The following ZNF274 variants were observed in gnomAD, a reference collection of about 807,000 sequenced individuals.
The protein encoded by ZNF274 is neurotrophin receptor-interacting factor homolog.
ZNF274 carries 23 observed loss-of-function variants against 42.5 expected under a neutral mutation model. The observed-to-expected ratio is 0.54, with a 90% CI of 0.39 to 0.77. The LOEUF (loss-of-function observed/expected upper bound fraction) is 0.77. Ranked by LOEUF, ZNF274 falls within the 30% of genes least tolerant of loss-of-function variation. The pLI, the probability that ZNF274 is intolerant of heterozygous loss-of-function variation, is 0.00. For synonymous variants in ZNF274, 292 were observed against 305.4 expected (o/e 0.96, Z 0.46); for missense variants, 679 against 806.5 (o/e 0.84, Z 1.91).
chr19:58,209,036 G>A (rs1199915745), intron 5 of ZNF274: 1 of 152,274 alleles, frequency 6.6e-6, no homozygotes, highest in Non-Finnish European at 1.5e-5. Context: ...GCTCAAGGGA[G>A]AAGGAGAATT....
At chr19:58,209,009 A>G (rs1237966988) in intron 5 of ZNF274, 1 of 152,244 alleles carries the variant, frequency 6.6e-6, no homozygotes, top group Non-Finnish European at 1.5e-5. Flanking sequence ...GACTGCTGCA[A>G]AGCCTTGCAC....
At chr19:58,183,786 C>T in intron 1 of ZNF274, 135 bp from the exon 2 acceptor site, 1 of 609,512 alleles carries the variant, frequency 1.6e-6, no homozygotes, top group Non-Finnish European at 2.9e-6. Flanking sequence ...AGTCCTATGA[C>T]TCACTCTGGG....
Position 58,185,734 on chromosome 19 carries a change from T to C in ZNF274, c.56T>C (p.Val19Ala). The C allele has an allele frequency of 6.8e-7, 1 of 1,467,324 alleles. No individual in the cohort carries two copies. The highest frequency in any genetic ancestry group is 9.1e-7 in the Non-Finnish European group (1 of 1,104,078). 90.9% of individuals were successfully genotyped at this position (1,467,324 alleles called of 1,614,324 possible). The change falls in exon 3 of 8, where the codon GTA becomes GCA. Residue 19 changes from valine (V) to alanine (A), a missense_variant. Around this residue, in one of 2 missense-constraint regions of ZNF274, gnomAD observed 223 missense variants for 216.4 expected, o/e 1.03. Coordinates refer to ENST00000617501, the MANE Select transcript of ZNF274 (RefSeq NM_133502.3). ...WSCEPVTFED[V>A]TLGFTPEEWG... ...TAGGAACCAGTGACCTTTGAAGATG[T>C]AACACTGGGTTTTACCCCGGAAGAG...
rs756610473 is a variant in ZNF274, at chr19:58,212,737, C to G, written c.1556C>G (p.Pro519Arg). 2 of 1,613,934 alleles carry G rather than the reference C, an allele frequency of 1.2e-6. No individual in the cohort carries two copies. The highest frequency in any genetic ancestry group is 1.3e-5 in the African/African-American group (1 of 75,036). Reference protein sequence around the residue: ...CSECGKIFRNPRYFSVHKKIH... With the variant: ...CSECGKIFRNRRYFSVHKKIH... ...GAATGTGGTAAAATATTCCGGAACC[C>G]AAGATACTTTTCTGTGCATAAGAAA... Residue 519 changes from proline (P) to arginine (R), a missense_variant, in exon 8 of 8, where the codon CCA (proline) becomes CGA (arginine). Pro to Arg is a moderately radical substitution (Grantham distance 103). Around this residue, in one of 2 missense-constraint regions of ZNF274, gnomAD observed 456 missense variants for 590.1 expected, o/e 0.77. Transcript: ENST00000617501. This position sits in a 1 kb window ranked among gnomAD's most constrained non-coding sequence, Gnocchi z 4.6.
intron 4 of ZNF274, among the ~76,000 whole-genome samples, chr19:58,204,772 G>C (rs2075962847): frequency 6.6e-6 from 1 of 152,088 alleles, no homozygotes; most frequent in Non-Finnish European, 1.5e-5. Context: ...ACACCGCGCG[G>C]GGCAGGAATA....
chr19:58,204,791 A>G (rs185329886), intron 4 of ZNF274, among the ~76,000 whole-genome samples: 218 of 152,152 alleles, frequency 1.4e-3, no homozygotes, highest in African/African-American at 5.1e-3. Context: ...TATTCCAGGT[A>G]TGTTGTGGAA....
chr19:58,197,938 T>C (rs996844757), intron 4 of ZNF274, among the ~76,000 whole-genome samples: 1 of 152,204 alleles, frequency 6.6e-6, no homozygotes, highest in Admixed American at 6.5e-5. Context: ...GATCCTCTTA[T>C]CTGGGGATCA....
At chr19:58,195,601 A>C (rs1215369846) in intron 4 of ZNF274, among the ~76,000 whole-genome samples, 1 of 152,150 alleles carries the variant, frequency 6.6e-6, no homozygotes, top group Non-Finnish European at 1.5e-5. Context: ...CCATTTTGAC[A>C]ACTCTGTGTG....
At chr19:58,184,415 C>G (rs1260798554) in intron 2 of ZNF274, 1 of 162,700 alleles carries the variant, frequency 6.1e-6, no homozygotes, top group Non-Finnish European at 1.4e-5. Context: ...TCAGCCTCCC[C>G]GAGTAGCTGG....
chr19:58,199,364 T>TA (rs112362911), intron 4 of ZNF274, among the ~76,000 whole-genome samples: 7,316 of 145,164 alleles, frequency 0.05, 229 homozygotes, highest in Middle Eastern at 0.076. Flanking sequence ...AGACTCTGTC[T>TA]AAAAAAAAAA....
At chr19:58,200,095 T>C (rs2075892531) in intron 4 of ZNF274, among the ~76,000 whole-genome samples, 2 of 152,218 alleles carry the variant, frequency 1.3e-5, no homozygotes, top group African/African-American at 4.8e-5. Context: ...AAAGAAGCTG[T>C]GTTGAATCAA....
intron 5 of ZNF274, chr19:58,209,110 TC>T: frequency 6.6e-6 from 1 of 152,262 alleles, no homozygotes; most frequent in Non-Finnish European, 1.5e-5. Context: ...TCCAATAGTG[TC>T]CTCCAGACTT....
chr19:58,200,646 G>A (rs2075898974), intron 4 of ZNF274, among the ~76,000 whole-genome samples: 1 of 152,188 alleles, frequency 6.6e-6, no homozygotes, highest in Admixed American at 6.5e-5. Flanking sequence ...GGAGGGTGGT[G>A]CACATGTGGA....
chr19:58,197,342 A>T (rs1010597087), intron 4 of ZNF274, among the ~76,000 whole-genome samples: 1 of 152,214 alleles, frequency 6.6e-6, no homozygotes, highest in African/African-American at 2.4e-5. Flanking sequence ...AACGAAAAAA[A>T]TATACACTGA....
chr19:58,212,136 C>T lies in ZNF274; in HGVS notation c.980-25C>T. ...TCCCAGCACATCTCTCTATGGGATCCACATCTTTTGTTTATTTTTTTCAGG... is the reference window on the plus strand; with the variant it reads ...TCCCAGCACATCTCTCTATGGGATCTACATCTTTTGTTTATTTTTTTCAGG... On this transcript the variant is annotated intron_variant, in intron 7 of 7. Coordinates refer to ENST00000617501, the MANE Select transcript of ZNF274 (RefSeq NM_133502.3). The surrounding 1 kb of genome is among the most constrained non-coding windows in gnomAD (Gnocchi z 4.6). The T allele has an allele frequency of 6.3e-7, 1 of 1,579,242 alleles. No homozygotes were observed. The highest frequency in any genetic ancestry group is 8.5e-7 in the Non-Finnish European group (1 of 1,169,782).
intron 1 of ZNF274, 87 bp from the exon 2 acceptor site, chr19:58,183,834 A>T: frequency 1.2e-6 from 1 of 856,910 alleles, no homozygotes; most frequent in South Asian, 1.7e-5. Context: ...TTTCCCGCTG[A>T]GGGAGCCGTT....
In ZNF274 at chr19:58,209,957, C is replaced by G; in HGVS notation, c.740-4C>G. The G allele has an allele frequency of 1.2e-6, 2 of 1,609,516 alleles. No individual in the cohort carries two copies. The highest frequency in any genetic ancestry group is 1.7e-6 in the Non-Finnish European group (2 of 1,178,026). ...GACCTCCTCTGGCTGGTGTCTCCTC[C>G]CAGTACTTCCTGCAGGACAACCTGC... On this transcript the variant is annotated splice_region_variant and splice_polypyrimidine_tract_variant and intron_variant, in intron 5 of 7. Transcript: ENST00000617501.
chr19:58,207,218 G>A lies in ZNF274; in HGVS notation c.739+16G>A, dbSNP rs747048767. On this transcript the variant is annotated intron_variant, in intron 5 of 7. Transcript: ENST00000617501. The surrounding 1 kb of genome is among the most constrained non-coding windows in gnomAD (Gnocchi z 5.6). ...GAGGAGGAAGGTAAGTAGAAGGGTGGGTAGAGGGACAGCTTAATGAGGGTG... is the reference window on the plus strand; with the variant it reads ...GAGGAGGAAGGTAAGTAGAAGGGTGAGTAGAGGGACAGCTTAATGAGGGTG... 5.3e-5 allele frequency: 85 copies of A among 1,600,240 alleles called. No homozygotes were observed. The highest frequency in any genetic ancestry group is 6.5e-5 in the Non-Finnish European group (76 of 1,172,628).
intron 4 of ZNF274, among the ~76,000 whole-genome samples, chr19:58,189,043 G>T (rs528940773): frequency 6.6e-6 from 1 of 151,864 alleles, no homozygotes; most frequent in Admixed American, 6.6e-5. Flanking sequence ...CACATTTTCC[G>T]CACAACGGAC....
Sources: gnomAD v4.1 joint callset for allele counts (sites outside exome capture counted in the v4.1 genomes callset) on GRCh38, gnomAD v4.1.1 for gene constraint, gnomAD v4.1.1 regional missense constraint, Gnocchi (gnomAD v3.1) non-coding constraint, MANE v1.5 for transcripts, NCBI Gene and HGNC (gene_info 2026-07-23, HGNC 2026-07-21) for gene names.